Variants in FAR2 observed in about 807,000 individuals in gnomAD.
FAR2 encodes the protein epididymis secretory protein Li 81.
Under a neutral mutation model 56.0 loss-of-function variants are expected in FAR2, and 19 were observed. The ratio of observed to expected loss-of-function variants is 0.34; its 90% CI spans 0.24 to 0.50. The LOEUF (loss-of-function observed/expected upper bound fraction) is 0.50, where lower values mean the gene tolerates loss of function less well. FAR2 is among the 20% of genes least tolerant of loss of function. FAR2 has a pLI of 0.98. For synonymous variants in FAR2, 219 were observed against 218.8 expected (o/e 1.00, Z -0.01); for missense variants, 508 against 642.2 (o/e 0.79, Z 2.26).
chr12:29,249,727 G>C (rs1271546556), intron 1 of FAR2, among the ~76,000 whole-genome samples: 1 of 152,150 alleles, frequency 6.6e-6, no homozygotes, highest in East Asian at 1.9e-4. Context: ...AAATTATCAA[G>C]TAAGCAGATT....
intron 1 of FAR2, among the ~76,000 whole-genome samples, chr12:29,161,920 A>T (rs1949784801): frequency 1.1e-5 from 1 of 89,476 alleles, no homozygotes; most frequent in African/African-American, 4.1e-5. Flanking sequence ...CCACTTGGAT[A>T]TCTTCTCTTG....
At chr12:29,252,366 T>G (rs927809392) in intron 1 of FAR2, among the ~76,000 whole-genome samples, 4 of 152,006 alleles carry the variant, frequency 2.6e-5, no homozygotes, top group African/African-American at 9.7e-5. Flanking sequence ...CTACCTGGAG[T>G]GCTTACTGAA....
intron 1 of FAR2, among the ~76,000 whole-genome samples, chr12:29,182,724 G>C (rs946634329): frequency 6.6e-6 from 1 of 152,176 alleles, no homozygotes; most frequent in African/African-American, 2.4e-5. Flanking sequence ...TGGGCCAAGA[G>C]TGGATGGATA....
chr12:29,331,659 T>C (rs1331567659), intron 10 of FAR2: 18 of 152,146 alleles, frequency 1.2e-4, no homozygotes, highest in Admixed American at 1.2e-3. Flanking sequence ...GCCCTTTATA[T>C]GGAGATTTTG....
At chr12:29,305,790 A>C (rs1484780453) in intron 4 of FAR2, among the ~76,000 whole-genome samples, 1 of 152,168 alleles carries the variant, frequency 6.6e-6, no homozygotes, top group Non-Finnish European at 1.5e-5. Context: ...TAGAATATTA[A>C]AATTTCTTGC....
chr12:29,303,674 C>T (rs536718238), intron 4 of FAR2, among the ~76,000 whole-genome samples: 21 of 152,024 alleles, frequency 1.4e-4, no homozygotes, highest in Non-Finnish European at 3.1e-4. Context: ...TTTTTGCCTT[C>T]GTGCTATAGA....
intron 2 of FAR2, among the ~76,000 whole-genome samples, chr12:29,282,765 T>C (rs1948808163): frequency 6.6e-6 from 1 of 152,226 alleles, no homozygotes; most frequent in Non-Finnish European, 1.5e-5. Flanking sequence ...ATATCACATC[T>C]GACTTCCAGT....
intron 1 of FAR2, among the ~76,000 whole-genome samples, chr12:29,210,634 G>A (rs1216261862): frequency 1.3e-5 from 2 of 152,212 alleles, no homozygotes; most frequent in Non-Finnish European, 2.9e-5. Flanking sequence ...GACTAAGCTG[G>A]CCATTCCAAA....
chr12:29,222,125 A>G (rs375529247), intron 1 of FAR2, among the ~76,000 whole-genome samples: 1 of 152,182 alleles, frequency 6.6e-6, no homozygotes, highest in East Asian at 1.9e-4. Context: ...CTAGGATTAC[A>G]GGCATGAGCC....
chr12:29,332,461 A>G, intron 10 of FAR2, 139 bp from the exon 11 acceptor site: 3 of 1,167,646 alleles, frequency 2.6e-6, no homozygotes, highest in Non-Finnish European at 3.6e-6. Flanking sequence ...AATGACTCAA[A>G]TAATCTCTCC....
At chr12:29,299,213 C>CAAAAAAAAAAAAAAAAAAAAAA (rs71042981) in intron 4 of FAR2, among the ~76,000 whole-genome samples, 8 of 103,568 alleles carry the variant, frequency 7.7e-5, no homozygotes, top group African/African-American at 1.9e-4. Flanking sequence ...AACTTTGTCT[C>CAAAAAAAAAAAAAAAAAAAAAA]AAAAAAAAAA....
intron 2 of FAR2, among the ~76,000 whole-genome samples, chr12:29,284,245 G>T (rs1379135259): frequency 1.3e-5 from 2 of 152,144 alleles, no homozygotes; most frequent in Non-Finnish European, 2.9e-5. Context: ...ACCAAAAATG[G>T]TCAACCTTTT....
In FAR2 at chr12:29,311,020, C is replaced by A; in HGVS notation, c.769-8C>A. ...GGTTTAATATTTTATGTTCTTTTTCCTATGCAGACTGGGAAAGGGTTTCTT... is the reference window on the plus strand; with the variant it reads ...GGTTTAATATTTTATGTTCTTTTTCATATGCAGACTGGGAAAGGGTTTCTT... On this transcript the variant is annotated splice_polypyrimidine_tract_variant and splice_region_variant and intron_variant, in intron 6 of 11. Transcript: ENST00000536681. 1 of 1,600,574 alleles carries A rather than the reference C, an allele frequency of 6.2e-7. No individual in the cohort carries two copies. Among genetic ancestry groups the A allele is most frequent in the Non-Finnish European group, 8.6e-7 (1 of 1,167,998 alleles).
chr12:29,296,096 C>T (rs1204604706), intron 3 of FAR2, among the ~76,000 whole-genome samples: 1 of 152,202 alleles, frequency 6.6e-6, no homozygotes, highest in Non-Finnish European at 1.5e-5. Context: ...CAGTGGACAC[C>T]TTACTGAATT....
At chr12:29,299,220 A>G in intron 4 of FAR2, among the ~76,000 whole-genome samples, 1 of 150,894 alleles carries the variant, frequency 6.6e-6, no homozygotes. Context: ...TCTCAAAAAA[A>G]AAAAAAAAAA....
chr12:29,303,841 C>A (rs988140762), intron 4 of FAR2, among the ~76,000 whole-genome samples: 1 of 152,170 alleles, frequency 6.6e-6, no homozygotes, highest in African/African-American at 2.4e-5. Context: ...TATTAGCAGG[C>A]TTTAAATTAC....
chr12:29,285,204 T>TTGCCCCGG (rs1948854468), intron 2 of FAR2, among the ~76,000 whole-genome samples: 1 of 151,550 alleles, frequency 6.6e-6, no homozygotes. Context: ...AGTGTGTTCA[T>TTGCCCCGG]GCTTCGCTGT....
chr12:29,328,091 T>G (rs1238243692), intron 10 of FAR2, among the ~76,000 whole-genome samples: 35 of 151,374 alleles, frequency 2.3e-4, no homozygotes, highest in African/African-American at 8.0e-4. Flanking sequence ...AAAAGTGGGC[T>G]AAGGATATGA....
In FAR2 at chr12:29,214,158, T is replaced by G. The variant is rs1022626475; in HGVS notation, c.-38-56254T>G. Among the ~76,000 whole-genome samples, 5 of 152,340 alleles carry G rather than the reference T, an allele frequency of 3.3e-5. No individual in the cohort carries two copies. The South Asian group carries it at 1.0e-3, about 32-fold the overall frequency. Reference sequence around the variant, plus strand: ...AGAAGCTTTTAGCTTGGATGCGTTATTCCAATAATACTGAAAGAATATTGC... The same window carrying G: ...AGAAGCTTTTAGCTTGGATGCGTTAGTCCAATAATACTGAAAGAATATTGC... On this transcript the variant is annotated intron_variant, in intron 1 of 11. Coordinates refer to ENST00000536681, the MANE Select transcript of FAR2 (RefSeq NM_001271783.2).
Sources: gnomAD v4.1 joint callset for allele counts (sites outside exome capture counted in the v4.1 genomes callset) on GRCh38, gnomAD v4.1.1 for gene constraint, MANE v1.5 for transcripts, NCBI Gene and HGNC (gene_info 2026-07-23, HGNC 2026-07-21) for gene names.